The following CRISPLD2 variants were observed in gnomAD, a reference collection of about 807,000 sequenced individuals.
CRISPLD2 encodes the protein cysteine rich secretory protein LCCL domain containing 2.
Under a neutral mutation model 71.1 loss-of-function variants are expected in CRISPLD2, and 47 were observed. That is an observed-to-expected ratio of 0.66 (90% CI 0.52 to 0.84). CRISPLD2 has a LOEUF of 0.84. CRISPLD2 is among the 40% of genes least tolerant of loss of function. The pLI is 0.00. For missense variants in CRISPLD2, 830 were observed against 651.1 expected, an observed-to-expected ratio of 1.27 and a Z score of -2.99; for synonymous variants, 317 against 250.1, an observed-to-expected ratio of 1.27 and a Z score of -2.52.
rs758987906 is a variant in CRISPLD2, at chr16:84,845,846, C to T, written c.301C>T (p.His101Tyr). The T allele has an allele frequency of 6.2e-7, 1 of 1,614,076 alleles. No homozygotes were observed. Among genetic ancestry groups the T allele is most frequent in the Non-Finnish European group, 8.5e-7 (1 of 1,179,952 alleles). The stretch of plus-strand genomic sequence containing the variant: ...GTGGGCCAGTCAGTGCATCTGGGAG[C>T]ACGGGCCCACCAGTCTGCTGGTGTC... ...AAWASQCIWE[H>Y]GPTSLLVSIG... Residue 101 changes from histidine (H) to tyrosine (Y), a missense_variant, in exon 3 of 15, where the codon CAC becomes TAC. Physicochemically the swap from His to Tyr is moderately conservative, Grantham distance 83. Coordinates refer to ENST00000262424, the MANE Select transcript of CRISPLD2 (RefSeq NM_031476.4).
At chr16:84,906,180 C>T (rs1043196497) in intron 14 of CRISPLD2, among the ~76,000 whole-genome samples, 23 of 152,028 alleles carry the variant, frequency 1.5e-4, no homozygotes, top group African/African-American at 4.6e-4. Context: ...AGGTGGAAGG[C>T]GGTGAAGCAC....
Position 84,907,543 on chromosome 16 carries a change from C to T in CRISPLD2, c.*901C>T, listed in dbSNP as rs2071814664. On this transcript the variant is annotated 3_prime_UTR_variant, in exon 15 of 15. Coordinates refer to ENST00000262424, the MANE Select transcript of CRISPLD2 (RefSeq NM_031476.4). ...TCTTTGCAAGCGAACCTGTTTGAAG[C>T]CCAAGTCTTAACTCCTGGTCTCGTA... is the stretch of plus-strand genomic sequence containing the variant. 1.3e-5 allele frequency: 2 copies of T among 152,204 alleles called. No homozygotes were observed. The highest frequency in any genetic ancestry group is 2.9e-5 in the Non-Finnish European group (2 of 68,048). 9.4% of individuals were successfully genotyped at this position (152,204 alleles called of 1,614,324 possible). A position where few individuals can be genotyped will look rare whatever the true frequency, so the allele number is the denominator to read the frequency against.
chr16:84,882,164 C>T (rs994646382), intron 13 of CRISPLD2, among the ~76,000 whole-genome samples: 5 of 151,948 alleles, frequency 3.3e-5, no homozygotes, highest in East Asian at 1.9e-4. Flanking sequence ...GCAATCCCAG[C>T]CAAATACAAA....
rs1916681701 is a variant in CRISPLD2, at chr16:84,838,486, G to T, written c.-10G>T. On this transcript the variant is annotated 5_prime_UTR_variant, in exon 2 of 15. Transcript: ENST00000262424. ...CCCGTGAGTCCCATAGTTGCTGCAG[G>T]AGTGGAGCCATGAGCTGCGTCCTGG... is the stretch of plus-strand genomic sequence containing the variant. 1 of 1,611,910 alleles carries T rather than the reference G, an allele frequency of 6.2e-7. No individual in the cohort carries two copies.
chr16:84,854,541 C>G (rs1917179267), intron 5 of CRISPLD2, among the ~76,000 whole-genome samples, 188 bp from the exon 6 acceptor site: 1 of 152,144 alleles, frequency 6.6e-6, no homozygotes, highest in African/African-American at 2.4e-5. Context: ...GATTCTGGAG[C>G]TCTCTAGACT....
intron 1 of CRISPLD2, among the ~76,000 whole-genome samples, chr16:84,826,193 G>T (rs1210153249): frequency 6.6e-6 from 1 of 152,194 alleles, no homozygotes; most frequent in African/African-American, 2.4e-5. Flanking sequence ...GGACGGTTCT[G>T]GTTATAGGGC....
intron 12 of CRISPLD2, among the ~76,000 whole-genome samples, chr16:84,880,299 A>G (rs540834107): frequency 1.3e-5 from 2 of 152,220 alleles, no homozygotes; most frequent in East Asian, 1.9e-4. Context: ...TAAAAATTCT[A>G]TCTACACTGT....
At chr16:84,846,018 C>T (rs1364319904) in intron 3 of CRISPLD2, 114 bp downstream of exon 3, 11 of 628,772 alleles carry the variant, frequency 1.7e-5, no homozygotes, top group Admixed American at 3.0e-5. Flanking sequence ...AGAGACCACC[C>T]GTCCCATCGA....
At chr16:84,873,518 CA>C (rs61561196) in intron 10 of CRISPLD2, 10 of 127,990 alleles carry the variant, frequency 7.8e-5, no homozygotes, top group South Asian at 2.6e-4. Flanking sequence ...AAAAAAAAAA[CA>C]AAAAAAAAAC....
chr16:84,877,604 C>G (rs2071531316), intron 12 of CRISPLD2, 94 bp downstream of exon 12: 2 of 1,179,852 alleles, frequency 1.7e-6, no homozygotes, highest in South Asian at 1.3e-5. Context: ...AATCCCAGCA[C>G]TTTGGGAGGC....
At chr16:84,893,163 C>G (rs1027534187) in intron 14 of CRISPLD2, among the ~76,000 whole-genome samples, 1 of 152,102 alleles carries the variant, frequency 6.6e-6, no homozygotes, top group African/African-American at 2.4e-5. Flanking sequence ...ACACTGCTCC[C>G]CCAGTCCCCA....
At chr16:84,896,212 C>T (rs1567705775) in intron 14 of CRISPLD2, among the ~76,000 whole-genome samples, 1 of 151,364 alleles carries the variant, frequency 6.6e-6, no homozygotes, top group Non-Finnish European at 1.5e-5. Flanking sequence ...TAATTTTTTT[C>T]ATATATATAT....
intron 6 of CRISPLD2, among the ~76,000 whole-genome samples, chr16:84,863,613 TTCC>T (rs1457972442): frequency 1.3e-5 from 2 of 152,226 alleles, no homozygotes; most frequent in Non-Finnish European, 2.9e-5. Context: ...CTGAGCCTTC[TTCC>T]TCATCTGTGA....
intron 2 of CRISPLD2, among the ~76,000 whole-genome samples, chr16:84,845,446 G>A (rs1916886040): frequency 6.6e-6 from 1 of 152,188 alleles, no homozygotes; most frequent in Non-Finnish European, 1.5e-5. Context: ...CCTAGAGATG[G>A]CTGCTGACCT....
At chr16:84,874,771 G>A (rs1038500856) in intron 11 of CRISPLD2, among the ~76,000 whole-genome samples, 4 of 152,028 alleles carry the variant, frequency 2.6e-5, no homozygotes, top group East Asian at 3.9e-4. Context: ...ACATTTTTTT[G>A]TAGTGATGAC....
intron 1 of CRISPLD2, 138 bp downstream of exon 1, chr16:84,820,271 A>C (rs1024333101): frequency 2.6e-5 from 4 of 152,142 alleles, no homozygotes; most frequent in Non-Finnish European, 5.9e-5. Flanking sequence ...ATAGCGGAAC[A>C]CAGCTTTGCG....
chr16:84,883,105 G>A (rs989995491), intron 13 of CRISPLD2, among the ~76,000 whole-genome samples: 31 of 152,278 alleles, frequency 2.0e-4, no homozygotes, highest in African/African-American at 6.7e-4. Context: ...GCAGTACTCA[G>A]TACTTAAGTA....
At chr16:84,867,099 G>T in intron 7 of CRISPLD2, 59 bp downstream of exon 7, 1 of 1,565,096 alleles carries the variant, frequency 6.4e-7, no homozygotes, top group Middle Eastern at 1.7e-4. Flanking sequence ...AAGGGGACGG[G>T]GTGGGTGGAG....
chr16:84,888,787 C>T (rs189021607), intron 13 of CRISPLD2, among the ~76,000 whole-genome samples: 1 of 152,192 alleles, frequency 6.6e-6, no homozygotes, highest in Non-Finnish European at 1.5e-5. Context: ...TCCTTTATGT[C>T]GTTCTGTCTT....
Sources: allele counts gnomAD v4.1 joint callset (sites outside exome capture counted in the v4.1 genomes callset), GRCh38; gene constraint gnomAD v4.1.1; transcripts MANE v1.5; gene names NCBI Gene and HGNC (gene_info 2026-07-23, HGNC 2026-07-21).